Variants in NRXN3 observed in about 807,000 individuals in gnomAD.
NRXN3 encodes neurexin III.
Under a neutral mutation model 137.6 loss-of-function variants are expected in NRXN3, and 32 were observed. The observed-to-expected ratio is 0.23, with a 90% CI of 0.18 to 0.31. The LOEUF (loss-of-function observed/expected upper bound fraction) is 0.31. Ranked by LOEUF, NRXN3 falls within the 10% of genes least tolerant of loss-of-function variation. The pLI, the probability that NRXN3 is intolerant of heterozygous loss-of-function variation, is 1.00. For synonymous variants in NRXN3, 798 were observed against 784.5 expected (o/e 1.02, Z -0.29); for missense variants, 1,574 against 2,062.5 (o/e 0.76, Z 4.59).
intron 15 of NRXN3, among the ~76,000 whole-genome samples, chr14:79,037,463 T>G: frequency 6.6e-6 from 1 of 152,084 alleles, no homozygotes; most frequent in Non-Finnish European, 1.5e-5. Context: ...TTTATGCCAA[T>G]TAGAAGCAAA....
chr14:78,478,340 G>A (rs2095415115), intron 4 of NRXN3, among the ~76,000 whole-genome samples: 2 of 152,084 alleles, frequency 1.3e-5, no homozygotes, highest in African/African-American at 4.8e-5. Context: ...ATACTGTGTG[G>A]GGCCAACATG....
intron 10 of NRXN3, among the ~76,000 whole-genome samples, chr14:78,812,265 A>C (rs1212390266): frequency 6.6e-6 from 1 of 152,176 alleles, no homozygotes; most frequent in Non-Finnish European, 1.5e-5. Context: ...TTTTATGTAC[A>C]TGGAATTAGA....
chr14:78,807,734 C>CA (rs144921592), intron 9 of NRXN3, among the ~76,000 whole-genome samples: 25 of 111,718 alleles, frequency 2.2e-4, no homozygotes, highest in African/African-American at 8.1e-4. Context: ...GATTCTGTCT[C>CA]AAAAAAAAAA....
chr14:78,234,634 A>T (rs4903732), intron 1 of NRXN3, among the ~76,000 whole-genome samples: 3 of 151,960 alleles, frequency 2.0e-5, no homozygotes, highest in Admixed American at 2.0e-4. Context: ...AACCATCACC[A>T]TATCAAGCCC....
chr14:79,151,946 CAAGTA>C (rs1461792204), intron 15 of NRXN3, among the ~76,000 whole-genome samples: 1 of 151,890 alleles, frequency 6.6e-6, no homozygotes, highest in Non-Finnish European at 1.5e-5. Flanking sequence ...TTAAAATTGG[CAAGTA>C]AAGAAAATAA....
chr14:79,151,373 G>A (rs1286252664), intron 15 of NRXN3, among the ~76,000 whole-genome samples: 1 of 152,048 alleles, frequency 6.6e-6, no homozygotes, highest in Non-Finnish European at 1.5e-5. Flanking sequence ...TCCCAGAACA[G>A]AGGTGAGCCT....
intron 15 of NRXN3, among the ~76,000 whole-genome samples, chr14:79,071,288 G>A (rs906341062): frequency 4.6e-5 from 7 of 151,906 alleles, no homozygotes; most frequent in African/African-American, 1.7e-4. Flanking sequence ...GAACATGCAG[G>A]TTTGTTACAT....
chr14:78,243,040 T>C lies in NRXN3; in HGVS notation c.-54T>C, dbSNP rs2067233822. 1.5e-6 allele frequency: 2 copies of C among 1,314,492 alleles called. No homozygotes were observed. The highest frequency in any genetic ancestry group is 5.2e-5 in the Admixed American group (2 of 38,650). 81.4% of individuals were successfully genotyped at this position (1,314,492 alleles called of 1,614,324 possible). A position where few individuals can be genotyped will look rare whatever the true frequency, so the allele number is the denominator to read the frequency against. On this transcript the variant is annotated 5_prime_UTR_variant, in exon 2 of 21. Transcript: ENST00000335750. The surrounding 1 kb of genome is among the most constrained non-coding windows in gnomAD (Gnocchi z 4.2). ...TCTATTGCCAAAGGGAGAGATCCTC[T>C]CCGGGCTGTTCCCTGGCCTGTCTGC...
At chr14:79,837,891 T>G (rs1402092281) in intron 20 of NRXN3, among the ~76,000 whole-genome samples, 1 of 152,170 alleles carries the variant, frequency 6.6e-6, no homozygotes, top group African/African-American at 2.4e-5. Flanking sequence ...GTTAGCCAGT[T>G]CCACAGGGCA....
chr14:78,253,868 T>C (rs1326632298), intron 2 of NRXN3, among the ~76,000 whole-genome samples: 1 of 126,664 alleles, frequency 7.9e-6, no homozygotes, highest in Non-Finnish European at 1.6e-5. Flanking sequence ...CAAGGCAGCC[T>C]AATGTATCTC....
intron 4 of NRXN3, among the ~76,000 whole-genome samples, chr14:78,630,172 T>G (rs1198713564): frequency 6.6e-6 from 1 of 152,212 alleles, no homozygotes; most frequent in African/African-American, 2.4e-5. Context: ...AAGCACCTGG[T>G]GGACCTCTTT....
chr14:78,253,822 G>T (rs1178496502), intron 2 of NRXN3, among the ~76,000 whole-genome samples: 2 of 86,832 alleles, frequency 2.3e-5, no homozygotes, highest in African/African-American at 9.3e-5. Flanking sequence ...AAGAAAACCT[G>T]CTAGCCATCT....
chr14:78,758,893 C>T (rs1201707271), intron 8 of NRXN3, among the ~76,000 whole-genome samples: 1 of 152,152 alleles, frequency 6.6e-6, no homozygotes, highest in Non-Finnish European at 1.5e-5. Flanking sequence ...GCTGTAGATT[C>T]TCCCTGGAGG....
chr14:78,996,141 A>C (rs1732080453), intron 15 of NRXN3, among the ~76,000 whole-genome samples: 1 of 152,044 alleles, frequency 6.6e-6, no homozygotes, highest in Non-Finnish European at 1.5e-5. Flanking sequence ...AATTTTTATT[A>C]ATTTATATTC....
chr14:79,020,724 T>C (rs943316508), intron 15 of NRXN3, among the ~76,000 whole-genome samples: 7 of 152,110 alleles, frequency 4.6e-5, no homozygotes, highest in Non-Finnish European at 1.0e-4. Flanking sequence ...CTCTTTGATC[T>C]TGGGGAAAGT....
At chr14:78,228,157 CTTTTTTTTTTT>C (rs1156767557) in intron 1 of NRXN3, among the ~76,000 whole-genome samples, 1 of 130,490 alleles carries the variant, frequency 7.7e-6, no homozygotes, top group African/African-American at 2.8e-5. Flanking sequence ...AATTTTCTTT[CTTTTTTTTTTT>C]TTTTTTTGAG....
chr14:79,778,826 G>A (rs1004543905), intron 19 of NRXN3, among the ~76,000 whole-genome samples: 3 of 152,122 alleles, frequency 2.0e-5, no homozygotes, highest in African/African-American at 7.2e-5. Context: ...TTTGTTCAGG[G>A]TTTAAAGCTT....
intron 2 of NRXN3, among the ~76,000 whole-genome samples, chr14:78,268,286 TTTTG>T (rs1349007092): frequency 6.2e-5 from 8 of 129,552 alleles, no homozygotes; most frequent in African/African-American, 2.6e-4. Flanking sequence ...TTTTGTTTTG[TTTTG>T]TTTTCAAAGA....
chr14:79,626,405 T>C (rs149179213), intron 16 of NRXN3, among the ~76,000 whole-genome samples: 1 of 150,890 alleles, frequency 6.6e-6, no homozygotes, highest in Non-Finnish European at 1.5e-5. Flanking sequence ...CATAGTCATT[T>C]TCTTTTTTTT....
Sources: gnomAD v4.1 joint callset for allele counts (sites outside exome capture counted in the v4.1 genomes callset) on GRCh38, gnomAD v4.1.1 for gene constraint, Gnocchi (gnomAD v3.1) non-coding constraint, MANE v1.5 for transcripts, NCBI Gene and HGNC (gene_info 2026-07-23, HGNC 2026-07-21) for gene names.